Variants in LPIN1 observed in about 807,000 individuals in gnomAD.
LPIN1 encodes lipin 1.
LPIN1 carries 71 observed loss-of-function variants against 107.5 expected under a neutral mutation model. That is an observed-to-expected ratio of 0.66 (90% CI 0.55 to 0.80). The LOEUF (loss-of-function observed/expected upper bound fraction) is 0.80, where lower values mean the gene tolerates loss of function less well. LPIN1 is among the 30% of genes least tolerant of loss of function. The pLI is 0.00. For synonymous variants in LPIN1, 445 were observed against 452.6 expected, an observed-to-expected ratio of 0.98 and a Z score of 0.21; for missense variants, 1,043 against 1,160.6, an observed-to-expected ratio of 0.90 and a Z score of 1.47.
chr2:11,791,924 A>C lies in LPIN1; in HGVS notation c.1724A>C (p.Glu575Ala). 1 of 1,613,850 alleles carries C rather than the reference A, an allele frequency of 6.2e-7. No homozygotes were observed. The highest frequency in any genetic ancestry group is 8.5e-7 in the Non-Finnish European group (1 of 1,179,854). ...ATCCATTTAAAACAGGCCACTGTGG[A>C]ATCTATCATGAGGGATAAAATGCCC... ...FQKPLPKATV[E>A]SIMRDKMPKK... The change falls in exon 13 of 21, where the codon GAA becomes GCA. Residue 575 changes from glutamate to alanine, a missense_variant. Physicochemically the swap from Glu to Ala is moderately radical, Grantham distance 107. Coordinates refer to ENST00000674199, the MANE Select transcript of LPIN1 (RefSeq NM_001349206.2).
chr2:11,759,834 G>A (rs1300093927), intron 1 of LPIN1, among the ~76,000 whole-genome samples: 4 of 132,060 alleles, frequency 3.0e-5, no homozygotes, highest in Non-Finnish European at 6.6e-5. Context: ...CCTCCCTCCC[G>A]GACGGGGCGG....
In LPIN1 at chr2:11,826,780, C is replaced by G. The variant is rs1372661066; in HGVS notation, c.*1989C>G. On this transcript the variant is annotated 3_prime_UTR_variant, in exon 21 of 21. Coordinates refer to ENST00000674199, the MANE Select transcript of LPIN1 (RefSeq NM_001349206.2). ...CAGGCAGCCCTCTGCAGCAGCACACCCTGCAGGCGGAGTTTTCAGAGGATG... is the reference window on the plus strand; with the variant it reads ...CAGGCAGCCCTCTGCAGCAGCACACGCTGCAGGCGGAGTTTTCAGAGGATG... 6.6e-6 allele frequency: 1 copy of G among 152,188 alleles called. No homozygotes were observed. The highest frequency in any genetic ancestry group is 1.5e-5 in the Non-Finnish European group (1 of 68,056). The allele number at this position is 152,188 out of a possible 1,614,324, so 9.4% of individuals were successfully genotyped here.
At chr2:11,820,635 T>C (rs2148734100) in intron 20 of LPIN1, 121 bp downstream of exon 20, 1 of 698,270 alleles carries the variant, frequency 1.4e-6, no homozygotes, top group Non-Finnish European at 2.5e-6. Flanking sequence ...GTAATTCTTA[T>C]AATGAAAAAA....
chr2:11,719,000 A>C (rs1663941529), intron 2 of LPIN1, among the ~76,000 whole-genome samples: 1 of 152,086 alleles, frequency 6.6e-6, no homozygotes, highest in African/African-American at 2.4e-5. Context: ...AGATTTTATA[A>C]ATTTCACTTT....
intron 1 of LPIN1, among the ~76,000 whole-genome samples, chr2:11,710,092 T>C (rs1422925171): frequency 1.3e-5 from 2 of 152,192 alleles, no homozygotes; most frequent in Non-Finnish European, 2.9e-5. Context: ...CTGACTCTCA[T>C]AGCAGAACTT....
chr2:11,809,809 T>C (rs1405796293), intron 17 of LPIN1, among the ~76,000 whole-genome samples: 1 of 152,144 alleles, frequency 6.6e-6, no homozygotes, highest in African/African-American at 2.4e-5. Context: ...CAGTAAGAGA[T>C]AGGATGATGC....
chr2:11,782,385 A>C lies in LPIN1; in HGVS notation c.1142A>C (p.Glu381Ala). The C allele has an allele frequency of 6.2e-7, 1 of 1,614,226 alleles. No homozygotes were observed. The highest frequency in any genetic ancestry group is 1.3e-5 in the African/African-American group (1 of 75,046). Residue 381 changes from glutamate (E) to alanine (A), a missense_variant, in exon 8 of 21, where the codon GAA (glutamate) becomes GCA (alanine). Coordinates refer to ENST00000674199, the MANE Select transcript of LPIN1 (RefSeq NM_001349206.2). Reference protein sequence around the residue: ...KPQTEMQFVNEEDLETLGAAA... With the variant: ...KPQTEMQFVNAEDLETLGAAA... ...CAGACAGAAATGCAGTTTGTGAATG[A>C]AGAAGACCTGGAGACCTTAGGAGCA...
intron 11 of LPIN1, among the ~76,000 whole-genome samples, chr2:11,787,398 C>CTTTTTTTT (rs1205272301): frequency 2.6e-4 from 17 of 64,544 alleles, no homozygotes; most frequent in East Asian, 3.0e-4. Flanking sequence ...TTTTCTTTTT[C>CTTTTTTTT]TTTTTTTTTT....
intron 1 of LPIN1, among the ~76,000 whole-genome samples, chr2:11,706,307 TAGG>T (rs985543950): frequency 6.6e-6 from 1 of 152,102 alleles, no homozygotes; most frequent in African/African-American, 2.4e-5. Context: ...GCAAGCCCAT[TAGG>T]AGGCAGGCAG....
chr2:11,696,155 A>T (rs4640362), intron 1 of LPIN1, among the ~76,000 whole-genome samples: 44,413 of 148,570 alleles, frequency 0.3, 7,487 homozygotes, highest in African/African-American at 0.45. Flanking sequence ...GCTGCACCTA[A>T]TGACCCGTCC....
At chr2:11,802,151 G>A (rs1677867578) in intron 14 of LPIN1, among the ~76,000 whole-genome samples, 1 of 152,176 alleles carries the variant, frequency 6.6e-6, no homozygotes. Context: ...GTCCTGGGAG[G>A]CAGAGCTGAT....
At position 11,779,440 on chromosome 2, in the gene LPIN1, T is replaced by A. The variant is rs1239969236; in HGVS notation, c.831-79T>A. ...GCTGGGGGTGCATTTTCTGGGCTAT[T>A]TGAGCCATGGAGCTGGGCCCAAAAC... On this transcript the variant is annotated intron_variant, in intron 6 of 20. Transcript: ENST00000674199. 15 of 1,488,608 alleles carry A rather than the reference T, an allele frequency of 1.0e-5. No homozygotes were observed. The East Asian group carries it at 2.1e-4, about 21-fold the overall frequency. 92.2% of individuals were successfully genotyped at this position (1,488,608 alleles called of 1,614,324 possible).
intron 1 of LPIN1, among the ~76,000 whole-genome samples, chr2:11,759,308 T>C (rs1379517589): frequency 6.6e-6 from 1 of 152,032 alleles, no homozygotes; most frequent in Non-Finnish European, 1.5e-5. Flanking sequence ...TCTCTGGTTT[T>C]CCTAGGCAGA....
chr2:11,784,819 G>C (rs2148660662), intron 9 of LPIN1, 67 bp from the exon 10 acceptor site: 1 of 1,474,442 alleles, frequency 6.8e-7, no homozygotes, highest in East Asian at 2.3e-5. Context: ...AGCATCACTG[G>C]ATGGTGATGT....
intron 2 of LPIN1, among the ~76,000 whole-genome samples, chr2:11,714,970 T>C (rs11889370): frequency 0.33 from 49,789 of 152,140 alleles, 8,631 homozygotes; most frequent in East Asian, 0.52. Flanking sequence ...AAGGAAGGCC[T>C]GGCCTGGGCA....
At chr2:11,788,314 C>T (rs549497656) in intron 11 of LPIN1, 73 bp from the exon 12 acceptor site, 1 of 1,204,514 alleles carries the variant, frequency 8.3e-7, no homozygotes, top group Non-Finnish European at 1.2e-6. Flanking sequence ...TCCTTGACTA[C>T]TTTATATGAC....
intron 1 of LPIN1, among the ~76,000 whole-genome samples, chr2:11,706,941 G>C (rs931579018): frequency 6.6e-6 from 1 of 152,056 alleles, no homozygotes; most frequent in Admixed American, 6.5e-5. Flanking sequence ...AATATCAAAA[G>C]GGCCAAAAAG....
upstream of LPIN1, among the ~76,000 whole-genome samples, chr2:11,720,939 C>A (rs964415722): frequency 3.3e-5 from 5 of 151,880 alleles, no homozygotes; most frequent in African/African-American, 9.7e-5. Flanking sequence ...TAGGACAGGG[C>A]GAGTCCTTGT....
chr2:11,714,878 C>T (rs549103674), intron 2 of LPIN1, among the ~76,000 whole-genome samples: 7 of 152,338 alleles, frequency 4.6e-5, no homozygotes, highest in East Asian at 1.9e-4. Context: ...ACACCTGAGG[C>T]TCAGCGCGGC....
Sources: allele counts gnomAD v4.1 joint callset (sites outside exome capture counted in the v4.1 genomes callset), GRCh38; gene constraint gnomAD v4.1.1; transcripts MANE v1.5; gene names NCBI Gene and HGNC (gene_info 2026-07-23, HGNC 2026-07-21).